The following SEMA6D variants were observed in gnomAD, a reference collection of about 807,000 sequenced individuals.
SEMA6D encodes semaphorin-6D.
Under a neutral mutation model 106.6 loss-of-function variants are expected in SEMA6D, and 35 were observed. That is an observed-to-expected ratio of 0.33 (90% CI 0.25 to 0.44). The LOEUF (loss-of-function observed/expected upper bound fraction) is 0.44. Ranked by LOEUF, SEMA6D falls within the 20% of genes least tolerant of loss-of-function variation. The pLI is 1.00. For missense variants in SEMA6D, 1,185 were observed against 1,345.9 expected (o/e 0.88, Z 1.87); for synonymous variants, 499 against 487.7 (o/e 1.02, Z -0.31).
In SEMA6D at chr15:47,774,186, C is replaced by T. The variant is rs142082900; in HGVS notation, c.*2401C>T. On this transcript the variant is annotated 3_prime_UTR_variant, in exon 19 of 19. Transcript: ENST00000536845. The stretch of plus-strand genomic sequence containing the variant: ...AATATGTACTTTGGGTTTTTAACAC[C>T]GCATGTAAAGTCAAAATAAAATATA... 1,200 of 152,358 alleles carry T rather than the reference C, an allele frequency of 7.9e-3. 7 individuals carry two copies. The highest frequency in any genetic ancestry group is 0.012 in the Non-Finnish European group (814 of 67,964). 9.4% of individuals were successfully genotyped at this position (152,358 alleles called of 1,614,324 possible). A position where few individuals can be genotyped will look rare whatever the true frequency, so the allele number is the denominator to read the frequency against.
At chr15:47,238,631 G>A (rs935713083) in intron 1 of SEMA6D, among the ~76,000 whole-genome samples, 2 of 151,970 alleles carry the variant, frequency 1.3e-5, no homozygotes, top group African/African-American at 4.8e-5. Context: ...ATACGTGATT[G>A]TCAAAGTGAA....
chr15:47,276,868 C>T (rs938622636), intron 1 of SEMA6D, among the ~76,000 whole-genome samples: 10 of 152,092 alleles, frequency 6.6e-5, no homozygotes, highest in South Asian at 2.1e-4. Flanking sequence ...TGAAAACCTT[C>T]GGGTAAGGAT....
chr15:47,523,283 C>T (rs2141963438), intron 3 of SEMA6D, among the ~76,000 whole-genome samples: 1 of 152,194 alleles, frequency 6.6e-6, no homozygotes, highest in Middle Eastern at 3.4e-3. Flanking sequence ...GAGGGCTGTG[C>T]TCTGAGAGGA....
At chr15:47,525,771 C>T (rs948196921) in intron 3 of SEMA6D, among the ~76,000 whole-genome samples, 1 of 152,120 alleles carries the variant, frequency 6.6e-6, no homozygotes, top group Admixed American at 6.5e-5. Context: ...TTTCAGCCTC[C>T]AGTGAGGGTA....
chr15:47,262,139 A>G (rs1341700460), intron 1 of SEMA6D, among the ~76,000 whole-genome samples: 1 of 152,156 alleles, frequency 6.6e-6, no homozygotes, highest in Non-Finnish European at 1.5e-5. Flanking sequence ...AGGTAAAAAA[A>G]ATCTCTACGA....
chr15:47,255,041 G>A (rs1478941757), intron 1 of SEMA6D, among the ~76,000 whole-genome samples: 1 of 151,982 alleles, frequency 6.6e-6, no homozygotes, highest in Non-Finnish European at 1.5e-5. Context: ...TAAATGTTTG[G>A]TAGAACTCAG....
intron 1 of SEMA6D, among the ~76,000 whole-genome samples, chr15:47,282,500 G>A (rs569228000): frequency 1.4e-4 from 22 of 152,218 alleles, no homozygotes; most frequent in Admixed American, 1.3e-3. Flanking sequence ...GCCTACTATC[G>A]TGAGTACTGT....
At chr15:47,711,371 T>TAA (rs2079020783) in intron 4 of SEMA6D, among the ~76,000 whole-genome samples, 1 of 150,982 alleles carries the variant, frequency 6.6e-6, no homozygotes, top group Non-Finnish European at 1.5e-5. Flanking sequence ...GACTGGCAAT[T>TAA]GATTAGGTTC....
chr15:47,700,250 A>G (rs1364133790), intron 4 of SEMA6D, among the ~76,000 whole-genome samples: 1 of 152,196 alleles, frequency 6.6e-6, no homozygotes, highest in Non-Finnish European at 1.5e-5. Flanking sequence ...AAATCCTACC[A>G]AGCTATTTTG....
chr15:47,207,065 C>G (rs956866908), intron 1 of SEMA6D, among the ~76,000 whole-genome samples: 28 of 152,126 alleles, frequency 1.8e-4, no homozygotes, highest in African/African-American at 6.3e-4. Context: ...GACTGTTTGC[C>G]CATTAGCCTG....
intron 1 of SEMA6D, among the ~76,000 whole-genome samples, chr15:47,400,884 A>C (rs2145986328): frequency 6.6e-6 from 1 of 152,358 alleles, no homozygotes; most frequent in East Asian, 1.9e-4. Flanking sequence ...AATATCAGGC[A>C]GGCTTTTGTC....
chr15:47,313,790 T>C (rs1218756127), intron 1 of SEMA6D, among the ~76,000 whole-genome samples: 1 of 152,152 alleles, frequency 6.6e-6, no homozygotes, highest in African/African-American at 2.4e-5. Context: ...TCTCAAACTC[T>C]TGGCTTCAAG....
intron 1 of SEMA6D, among the ~76,000 whole-genome samples, chr15:47,291,142 A>G (rs947534392): frequency 2.6e-5 from 4 of 152,186 alleles, no homozygotes; most frequent in South Asian, 4.1e-4. Context: ...ATTAATGGAG[A>G]AAAAAAGCCC....
At chr15:47,663,545 G>C (rs1188009396) in intron 4 of SEMA6D, among the ~76,000 whole-genome samples, 1 of 152,068 alleles carries the variant, frequency 6.6e-6, no homozygotes, top group Non-Finnish European at 1.5e-5. Context: ...AGTCCTAATG[G>C]TGCCCAGAAA....
chr15:47,561,966 A>G (rs1053305741), intron 3 of SEMA6D, among the ~76,000 whole-genome samples: 14 of 152,166 alleles, frequency 9.2e-5, no homozygotes, highest in Admixed American at 9.2e-4. Flanking sequence ...TGAATAACTT[A>G]TTATATAATT....
chr15:47,393,945 G>A (rs1908797), intron 1 of SEMA6D, among the ~76,000 whole-genome samples: 80 of 152,282 alleles, frequency 5.3e-4, no homozygotes, highest in African/African-American at 1.9e-3. Context: ...TTTTCATAAG[G>A]ACACTGAGAT....
At chr15:47,574,546 C>G (rs558278279) in intron 3 of SEMA6D, among the ~76,000 whole-genome samples, 1 of 152,036 alleles carries the variant, frequency 6.6e-6, no homozygotes, top group African/African-American at 2.4e-5. Context: ...AAGAATTTAG[C>G]GGAATCTTGT....
intron 13 of SEMA6D, chr15:47,765,294 A>T (rs767546940): frequency 9.5e-5 from 123 of 1,291,630 alleles, no homozygotes; most frequent in Middle Eastern, 6.0e-4. Context: ...TCACCTGTAG[A>T]ATATGAGAAC....
intron 2 of SEMA6D, among the ~76,000 whole-genome samples, chr15:47,464,405 AC>A (rs1438334508): frequency 1.3e-5 from 2 of 152,046 alleles, no homozygotes; most frequent in African/African-American, 4.8e-5. Flanking sequence ...AAGAAAAGGC[AC>A]CCATCCTGCT....
Sources: gnomAD v4.1 joint callset for allele counts (sites outside exome capture counted in the v4.1 genomes callset) on GRCh38, gnomAD v4.1.1 for gene constraint, MANE v1.5 for transcripts, NCBI Gene and HGNC (gene_info 2026-07-23, HGNC 2026-07-21) for gene names.